Variants in CCDC91 observed in about 807,000 individuals in gnomAD.
The protein encoded by CCDC91 is coiled-coil domain containing 91.
CCDC91 carries 48 observed loss-of-function variants against 63.2 expected under a neutral mutation model. That is an observed-to-expected ratio of 0.76 (90% CI 0.60 to 0.97). The LOEUF is 0.97. Among genes scored for constraint, CCDC91 ranks in the 50% least tolerant of loss-of-function variants. The pLI, the probability that CCDC91 is intolerant of heterozygous loss-of-function variation, is 0.00. For missense variants in CCDC91, 500 were observed against 494.6 expected, an observed-to-expected ratio of 1.01 and a Z score of -0.10; for synonymous variants, 167 against 165.8, an observed-to-expected ratio of 1.01 and a Z score of -0.06.
chr12:28,232,717 T>C lies in CCDC91; in HGVS notation c.-14-24485T>C, dbSNP rs537964507. Among the ~76,000 whole-genome samples, 15 of 152,298 alleles carry C rather than the reference T, an allele frequency of 9.8e-5. No individual in the cohort carries two copies. The South Asian group carries it at 2.1e-3, about 21-fold the overall frequency. ...GTTTTATTCATCTTTAAAACTGTTA[T>C]GACTGAACGGTCAGAAATGATGGTA... On this transcript the variant is annotated intron_variant, in intron 1 of 12. Transcript: ENST00000536442.
chr12:28,431,053 CTCTT>C (rs1948599616), intron 8 of CCDC91, among the ~76,000 whole-genome samples: 1 of 152,096 alleles, frequency 6.6e-6, no homozygotes, highest in Non-Finnish European at 1.5e-5. Flanking sequence ...TTTTTAATCT[CTCTT>C]CATTGTTGAG....
intron 3 of CCDC91, among the ~76,000 whole-genome samples, chr12:28,278,129 C>G (rs1404344103): frequency 6.6e-6 from 1 of 152,072 alleles, no homozygotes; most frequent in Non-Finnish European, 1.5e-5. Context: ...TCTAGCCTGC[C>G]TAATCCCAAA....
chr12:28,419,392 A>G (rs1170217390), intron 8 of CCDC91, among the ~76,000 whole-genome samples: 1 of 152,204 alleles, frequency 6.6e-6, no homozygotes, highest in Non-Finnish European at 1.5e-5. Context: ...CAGTACAAAA[A>G]TTTTATATCA....
chr12:28,264,378 T>TTTTTTTTTTTTTTTTTTGA (rs1555169555), intron 3 of CCDC91, among the ~76,000 whole-genome samples: 1 of 148,454 alleles, frequency 6.7e-6, no homozygotes. Context: ...TAATTTTTTT[T>TTTTTTTTTTTTTTTTTTGA]GGCTAAGAAA....
Position 28,352,784 on chromosome 12 carries a change from A to G in CCDC91, c.577-9654A>G, listed in dbSNP as rs139282565. The stretch of plus-strand genomic sequence containing the variant: ...ATCCACGCTTTGTTCTTCCTCTGAT[A>G]GAACACAGGCAAGAGCAGCATAATG... On this transcript the variant is annotated intron_variant, in intron 6 of 12. Transcript: ENST00000536442. 2.4e-3 allele frequency among the ~76,000 whole-genome samples: 60 copies of G among 25,266 alleles called. 4 individuals carry two copies. The East Asian group carries it at 0.48, about 203-fold the overall frequency. The allele number at this position is 25,266 out of a possible 152,430, so 16.6% of individuals were successfully genotyped here.
Position 28,257,100 on chromosome 12 carries a change from A to G in CCDC91, c.-14-102A>G, listed in dbSNP as rs1592123368. ...ATAAAAAATGCATAGACAGTTAGAA[A>G]TTCTAATTTACAAATAAATATGTAT... On this transcript the variant is annotated intron_variant, in intron 1 of 12. Transcript: ENST00000536442. 7.5e-6 allele frequency: 5 copies of G among 670,482 alleles called. No individual in the cohort carries two copies. The East Asian group carries it at 1.5e-4, about 20-fold the overall frequency. 41.5% of individuals were successfully genotyped at this position (670,482 alleles called of 1,614,324 possible). A position where few individuals can be genotyped will look rare whatever the true frequency, so the allele number is the denominator to read the frequency against.
chr12:28,431,630 C>G (rs1466388650), intron 8 of CCDC91, among the ~76,000 whole-genome samples: 8 of 151,964 alleles, frequency 5.3e-5, no homozygotes, highest in Admixed American at 5.3e-4. Context: ...TCGCAGCATC[C>G]TTGAATGGAA....
intron 6 of CCDC91, among the ~76,000 whole-genome samples, chr12:28,351,893 C>G (rs1176511603): frequency 6.6e-6 from 1 of 152,066 alleles, no homozygotes; most frequent in East Asian, 1.9e-4. Flanking sequence ...TGTGAATCCT[C>G]TGAGTTAAGG....
In CCDC91 at chr12:28,305,769, C is replaced by G; in HGVS notation, c.230C>G (p.Ala77Gly). The G allele has an allele frequency of 6.2e-7, 1 of 1,612,878 alleles. No individual in the cohort carries two copies. The highest frequency in any genetic ancestry group is 1.1e-5 in the South Asian group (1 of 91,010). Reference protein sequence around the residue: ...IISSPENTHAANSIVSQTIPK... With the variant: ...IISSPENTHAGNSIVSQTIPK... ...TCATCACCAGAGAATACACATGCAG[C>G]AAATAGCATTGTGAGTCAAACTATT... is the stretch of plus-strand genomic sequence containing the variant. Residue 77 changes from alanine to glycine, a missense_variant, in exon 4 of 13, where the codon GCA (alanine) becomes GGA (glycine). Ala to Gly is a moderately conservative substitution (Grantham distance 60). Transcript: ENST00000536442.
rs578091684 is a variant in CCDC91 at position 28,393,828 on chromosome 12, T to C, written c.762+2417T>C. 3.3e-5 allele frequency among the ~76,000 whole-genome samples: 5 copies of C among 152,316 alleles called. No individual in the cohort carries two copies. The East Asian group carries it at 7.7e-4, about 23-fold the overall frequency. The stretch of plus-strand genomic sequence containing the variant: ...TGTTGAGCTTGTCTTTTTCTTATAA[T>C]GCCTTCTCAAAAGTGGCCTATTATG... On this transcript the variant is annotated intron_variant, in intron 8 of 12. Coordinates refer to ENST00000536442, the MANE Select transcript of CCDC91 (RefSeq NM_018318.5).
chr12:28,401,555 G>T (rs1313186160), intron 8 of CCDC91, among the ~76,000 whole-genome samples: 2 of 152,132 alleles, frequency 1.3e-5, no homozygotes, highest in African/African-American at 4.8e-5. Context: ...ACAGGAAAGA[G>T]AATAAGTGCT....
At chr12:28,237,347 G>A (rs1252972889) in intron 1 of CCDC91, among the ~76,000 whole-genome samples, 1 of 152,052 alleles carries the variant, frequency 6.6e-6, no homozygotes, top group African/African-American at 2.4e-5. Flanking sequence ...GTTACCTTGT[G>A]TGGAAAAGGG....
intron 7 of CCDC91, among the ~76,000 whole-genome samples, chr12:28,373,233 T>C (rs920904829): frequency 5.3e-5 from 8 of 152,230 alleles, no homozygotes; most frequent in Non-Finnish European, 1.0e-4. Context: ...TTATACACTA[T>C]GAGTTATTTT....
chr12:28,403,190 A>G (rs530285939), intron 8 of CCDC91, among the ~76,000 whole-genome samples: 14 of 152,254 alleles, frequency 9.2e-5, no homozygotes, highest in East Asian at 3.9e-4. Flanking sequence ...CTCTGTTTCT[A>G]TCTTCTGGAA....
intron 12 of CCDC91, among the ~76,000 whole-genome samples, chr12:28,523,990 C>T (rs1274681351): frequency 6.6e-6 from 1 of 152,084 alleles, no homozygotes. Flanking sequence ...AACTCTAAGA[C>T]ACATGATTGT....
intron 12 of CCDC91, among the ~76,000 whole-genome samples, chr12:28,498,549 A>T (rs559268852): frequency 8.6e-5 from 13 of 151,788 alleles, no homozygotes; most frequent in Admixed American, 8.6e-4. Flanking sequence ...ACTCAACATC[A>T]ATAGGTGAAA....
intron 7 of CCDC91, among the ~76,000 whole-genome samples, chr12:28,371,072 A>G (rs1944588244): frequency 6.7e-6 from 1 of 149,536 alleles, no homozygotes; most frequent in Non-Finnish European, 1.5e-5. Context: ...CTCTAGTAAG[A>G]TTTTTTTTTT....
rs770677135 is a variant in CCDC91 at position 28,452,630 on chromosome 12, A to G, written c.1077A>G (p.Ile359Met). The G allele has an allele frequency of 1.3e-6, 2 of 1,546,922 alleles. No homozygotes were observed. Among genetic ancestry groups the G allele is most frequent in the African/African-American group, 1.4e-5 (1 of 71,462 alleles). Residue 359 changes from isoleucine to methionine, a missense_variant, in exon 11 of 13, where the codon ATA (isoleucine) becomes ATG (methionine). By Grantham distance (10) the Ile-to-Met change is conservative. Transcript: ENST00000536442. The stretch of plus-strand genomic sequence containing the variant: ...TATCTCAGGAAATTCAAAAAGCTAT[A>G]CAAGAACAAAGAAAAATAAGTCAGG... Reference protein sequence around the residue: ...EKVSQEIQKAIQEQRKISQET... With the variant: ...EKVSQEIQKAMQEQRKISQET...
intron 12 of CCDC91, among the ~76,000 whole-genome samples, chr12:28,526,573 A>G (rs1342679365): frequency 6.6e-6 from 1 of 152,064 alleles, no homozygotes; most frequent in Admixed American, 6.6e-5. Flanking sequence ...ACCTGTTGAC[A>G]GTGTGCCTAG....
Sources: gnomAD v4.1 joint callset for allele counts (sites outside exome capture counted in the v4.1 genomes callset) on GRCh38, gnomAD v4.1.1 for gene constraint, MANE v1.5 for transcripts, NCBI Gene and HGNC (gene_info 2026-07-23, HGNC 2026-07-21) for gene names.